Variants in APBA2 observed in about 807,000 individuals in gnomAD.
The protein encoded by APBA2 is amyloid beta precursor protein binding family A member 2.
In APBA2, 30 loss-of-function variants were observed where a neutral mutation model predicts 75.0. That is an observed-to-expected ratio of 0.40 (90% confidence interval 0.30 to 0.54). APBA2 has a LOEUF of 0.54. Among genes scored for constraint, APBA2 ranks in the 20% least tolerant of loss-of-function variants. APBA2 has a pLI of 0.49. For synonymous variants in APBA2, 444 were observed against 409.6 expected (o/e 1.08, Z -1.01); for missense variants, 801 against 1,016.1 (o/e 0.79, Z 2.88).
At chr15:29,069,374 C>T (rs1234475983) in intron 4 of APBA2, among the ~76,000 whole-genome samples, 1 of 152,232 alleles carries the variant, frequency 6.6e-6, no homozygotes, top group Non-Finnish European at 1.5e-5. Context: ...GGGTGTATCA[C>T]TAGGAGTGGA....
intron 6 of APBA2, among the ~76,000 whole-genome samples, chr15:29,080,511 G>A (rs1411996397): frequency 6.6e-6 from 1 of 152,150 alleles, no homozygotes; most frequent in Admixed American, 6.5e-5. Flanking sequence ...ACTGTCTGTG[G>A]AAAGTTCTCG....
At chr15:29,080,278 A>G (rs1348297524) in intron 6 of APBA2, among the ~76,000 whole-genome samples, 1 of 152,164 alleles carries the variant, frequency 6.6e-6, no homozygotes, top group Non-Finnish European at 1.5e-5. Flanking sequence ...CAGAGTTAGG[A>G]TTCGAACCAG....
chr15:29,071,128 C>A (rs1488400878), intron 4 of APBA2: 1 of 449,148 alleles, frequency 2.2e-6, no homozygotes, highest in Non-Finnish European at 4.5e-6. Context: ...GGTGTTGTTT[C>A]ATCCAAAGCA....
At position 29,070,696 on chromosome 15, in the gene APBA2, T is replaced by G. The variant is rs2042580642; in HGVS notation, c.952-4225T>G. 1.5e-5 allele frequency: 3 copies of G among 194,742 alleles called. No individual in the cohort carries two copies. The South Asian group carries it at 2.9e-4, about 19-fold the overall frequency. 12.1% of individuals were successfully genotyped at this position (194,742 alleles called of 1,614,324 possible). A position where few individuals can be genotyped will look rare whatever the true frequency, so the allele number is the denominator to read the frequency against. ...CACGCTGCTGAGTGAGACCTTCCTCTGTGCTGCTGAGTGAGACCTTCCATC... is the reference window on the plus strand; with the variant it reads ...CACGCTGCTGAGTGAGACCTTCCTCGGTGCTGCTGAGTGAGACCTTCCATC... On this transcript the variant is annotated intron_variant, in intron 4 of 14. Transcript: ENST00000683413.
intron 3 of APBA2, among the ~76,000 whole-genome samples, chr15:29,039,191 C>T (rs1176335577): frequency 6.7e-6 from 1 of 148,754 alleles, no homozygotes; most frequent in East Asian, 2.0e-4. Context: ...CATTGCTTCC[C>T]TAAGGCCCAC....
chr15:29,010,219 C>T (rs543653646), intron 3 of APBA2, among the ~76,000 whole-genome samples: 69 of 152,190 alleles, frequency 4.5e-4, no homozygotes, highest in Non-Finnish European at 8.5e-4. Context: ...AGTTTTTGCT[C>T]ATTTTTCTGT....
chr15:29,035,274 T>A (rs891010528), intron 3 of APBA2, among the ~76,000 whole-genome samples: 1 of 152,204 alleles, frequency 6.6e-6, no homozygotes, highest in Non-Finnish European at 1.5e-5. Flanking sequence ...ATCGAATGAT[T>A]GCAATCGTGG....
At chr15:29,115,283 C>A (rs1056676211) in intron 14 of APBA2, among the ~76,000 whole-genome samples, 2 of 152,084 alleles carry the variant, frequency 1.3e-5, no homozygotes, top group Middle Eastern at 3.4e-3. Context: ...TCTCTAGTTC[C>A]TGTTCTTCGG....
At chr15:29,019,082 C>T (rs2039819146) in intron 3 of APBA2, among the ~76,000 whole-genome samples, 1 of 152,192 alleles carries the variant, frequency 6.6e-6, no homozygotes, top group Non-Finnish European at 1.5e-5. Context: ...TGCAGACTGG[C>T]TAAGGCCAGG....
intron 1 of APBA2, among the ~76,000 whole-genome samples, chr15:28,917,067 G>C (rs1447712694): frequency 6.6e-6 from 1 of 152,096 alleles, no homozygotes; most frequent in Non-Finnish European, 1.5e-5. Context: ...AGAGAGAGGG[G>C]GACTCTCTGA....
chr15:29,035,236 G>T (rs2040684556), intron 3 of APBA2, among the ~76,000 whole-genome samples: 1 of 152,234 alleles, frequency 6.6e-6, no homozygotes, highest in Non-Finnish European at 1.5e-5. Context: ...AGGCAGAGGA[G>T]TAAGGGCTTG....
At chr15:28,954,209 T>C (rs1281604956) in intron 2 of APBA2, among the ~76,000 whole-genome samples, 1 of 152,220 alleles carries the variant, frequency 6.6e-6, no homozygotes, top group East Asian at 1.9e-4. Context: ...GCTAGATTGC[T>C]GTGCCAGTTT....
At chr15:28,988,554 G>A (rs1184245118) in intron 2 of APBA2, among the ~76,000 whole-genome samples, 3 of 152,174 alleles carry the variant, frequency 2.0e-5, no homozygotes, top group Non-Finnish European at 2.9e-5. Flanking sequence ...CTGAGCCACC[G>A]CGCCCATCCA....
At chr15:28,891,434 C>T (rs1261305817) in intron 1 of APBA2, among the ~76,000 whole-genome samples, 1 of 152,144 alleles carries the variant, frequency 6.6e-6, no homozygotes, top group Non-Finnish European at 1.5e-5. Flanking sequence ...GGACTCGTGA[C>T]CACTGGTGGG....
In APBA2 at chr15:29,038,665, ATTTTTTTTTTTT is replaced by A. The variant is rs67217686; in HGVS notation, c.-40-15167_-40-15156del. Among the ~76,000 whole-genome samples the A allele has an allele frequency of 2.8e-5, 3 of 105,462 alleles. No homozygotes were observed. The Admixed American group carries it at 3.5e-4, about 12-fold the overall frequency. 69.2% of individuals were successfully genotyped at this position (105,462 alleles called of 152,430 possible). A position where few individuals can be genotyped will look rare whatever the true frequency, so the allele number is the denominator to read the frequency against. On this transcript the variant is annotated intron_variant, in intron 3 of 14. Transcript: ENST00000683413. ...ATTTGGCTCTGTCCTATATGCAGGC[ATTTTTTTTTTTT>A]TTTTTTTTTTTTCTGAGACGAAGTC... is the stretch of plus-strand genomic sequence containing the variant.
intron 14 of APBA2, among the ~76,000 whole-genome samples, chr15:29,115,326 GT>G (rs1306914665): frequency 6.6e-6 from 1 of 152,126 alleles, no homozygotes; most frequent in Non-Finnish European, 1.5e-5. Flanking sequence ...CGGGACACTG[GT>G]ATTTTGTGCA....
intron 2 of APBA2, among the ~76,000 whole-genome samples, chr15:28,940,356 C>CAAAAAAAAAAAAAAAA (rs398043111): frequency 7.8e-5 from 3 of 38,450 alleles, no homozygotes; most frequent in Non-Finnish European, 1.2e-4. Flanking sequence ...ACTAAAAATA[C>CAAAAAAAAAAAAAAAA]AAAAAAAAAA....
chr15:28,938,253 A>G (rs934724599), intron 2 of APBA2, among the ~76,000 whole-genome samples: 1 of 152,222 alleles, frequency 6.6e-6, no homozygotes, highest in African/African-American at 2.4e-5. Context: ...TTAAGTAGCT[A>G]GGTCCAAACC....
chr15:29,074,198 C>T (rs956831006), intron 4 of APBA2, among the ~76,000 whole-genome samples: 11 of 152,152 alleles, frequency 7.2e-5, no homozygotes, highest in Non-Finnish European at 1.5e-4. Flanking sequence ...CACCCACGTT[C>T]ATAGCAGCAC....
Sources: allele counts gnomAD v4.1 joint callset (sites outside exome capture counted in the v4.1 genomes callset), GRCh38; gene constraint gnomAD v4.1.1; transcripts MANE v1.5; gene names NCBI Gene and HGNC (gene_info 2026-07-23, HGNC 2026-07-21).